Variants in ATXN10 observed in about 807,000 individuals in gnomAD.
ATXN10 encodes ataxin-10.
A neutral mutation model predicts 52.9 loss-of-function variants in ATXN10; 28 were observed. The observed-to-expected ratio is 0.53, with a 90% CI of 0.39 to 0.73. The LOEUF (loss-of-function observed/expected upper bound fraction) is 0.73. Among genes scored for constraint, ATXN10 ranks in the 30% least tolerant of loss-of-function variants. The pLI, the probability that ATXN10 is intolerant of heterozygous loss-of-function variation, is 0.00. For missense variants in ATXN10, 565 were observed against 577.0 expected (o/e 0.98, Z 0.21); for synonymous variants, 226 against 221.5 (o/e 1.02, Z -0.18).
intron 7 of ATXN10, among the ~76,000 whole-genome samples, chr22:45,735,252 T>C (rs1248065148): frequency 6.6e-6 from 1 of 152,138 alleles, no homozygotes; most frequent in Non-Finnish European, 1.5e-5. Flanking sequence ...TTATCTGTTA[T>C]TATTTCAGTA....
chr22:45,794,975 G>A (rs1927657341), intron 9 of ATXN10, among the ~76,000 whole-genome samples: 1 of 152,058 alleles, frequency 6.6e-6, no homozygotes, highest in Admixed American at 6.5e-5. Flanking sequence ...GTATATTAGG[G>A]GATTTTTAAT....
chr22:45,773,151 C>A (rs184673906), intron 9 of ATXN10, among the ~76,000 whole-genome samples: 1 of 152,162 alleles, frequency 6.6e-6, no homozygotes, highest in African/African-American at 2.4e-5. Flanking sequence ...TTGTTCGTCT[C>A]GCATGTGGAA....
At chr22:45,707,595 A>G (rs2066188353) in intron 5 of ATXN10, among the ~76,000 whole-genome samples, 2 of 150,818 alleles carry the variant, frequency 1.3e-5, no homozygotes, top group Admixed American at 6.6e-5. Context: ...CTTGGAATAA[A>G]GGGCAAAAGG....
intron 2 of ATXN10, among the ~76,000 whole-genome samples, chr22:45,691,285 C>CT (rs2146739528): frequency 1.3e-5 from 2 of 152,304 alleles, no homozygotes; most frequent in East Asian, 3.9e-4. Flanking sequence ...TAACTTTTGA[C>CT]TGTGGCTGGC....
At chr22:45,673,155 A>C (rs1922539902) in intron 1 of ATXN10, 1 of 152,238 alleles carries the variant, frequency 6.6e-6, no homozygotes, top group Non-Finnish European at 1.5e-5. Flanking sequence ...TGATATTATC[A>C]CTTAACACAT....
chr22:45,834,427 C>G (rs1052567675), intron 10 of ATXN10, among the ~76,000 whole-genome samples: 3 of 152,224 alleles, frequency 2.0e-5, no homozygotes, highest in Non-Finnish European at 1.5e-5. Flanking sequence ...CAGTGAAGCT[C>G]TGCCGGTGTG....
chr22:45,836,014 G>A (rs189997825), intron 10 of ATXN10, among the ~76,000 whole-genome samples: 1 of 152,180 alleles, frequency 6.6e-6, no homozygotes, highest in Admixed American at 6.5e-5. Context: ...CAGATGTTCT[G>A]TCGTATTAAA....
At chr22:45,710,996 C>G (rs1052711836) in intron 5 of ATXN10, among the ~76,000 whole-genome samples, 2 of 152,134 alleles carry the variant, frequency 1.3e-5, no homozygotes, top group Non-Finnish European at 2.9e-5. Context: ...TCGTTGTTCT[C>G]TAGAACTCTA....
rs1338949286 is a variant in ATXN10, at chr22:45,738,787, T to C, written c.951T>C (p.Thr317=). 2 of 1,614,046 alleles carry C rather than the reference T, an allele frequency of 1.2e-6. No homozygotes were observed. Among genetic ancestry groups the C allele is most frequent in the East Asian group, 4.5e-5 (2 of 44,900 alleles). ...TCCTGTGCGAAATGACTGTGAATACTGAGCTGCTCGGCTATCTGCAGGTTT... is the reference window on the plus strand; with the variant it reads ...TCCTGTGCGAAATGACTGTGAATACCGAGCTGCTCGGCTATCTGCAGGTTT... ...LDVLCEMTVN[T]ELLGYLQVFP... The change falls in exon 8 of 12, where the codon ACT becomes ACC. Residue 317 remains threonine, a synonymous_variant. Coordinates refer to ENST00000252934, the MANE Select transcript of ATXN10 (RefSeq NM_013236.4).
At chr22:45,710,066 T>C (rs902230413) in intron 5 of ATXN10, among the ~76,000 whole-genome samples, 5 of 152,222 alleles carry the variant, frequency 3.3e-5, no homozygotes, top group African/African-American at 9.6e-5. Flanking sequence ...CTCTGAATCA[T>C]CACACAGTAG....
In ATXN10 at chr22:45,781,832, A is replaced by G. The variant is rs1376466953; in HGVS notation, c.1174-25127A>G. Among the ~76,000 whole-genome samples, 1 of 152,220 alleles carries G rather than the reference A, an allele frequency of 6.6e-6. No homozygotes were observed. Among genetic ancestry groups the G allele is most frequent in the Non-Finnish European group, 1.5e-5 (1 of 68,040 alleles). ...AACAGCAACCTGAAATAAAAAGCCA[A>G]AACTCAGTGATTGGGTTCAGTGGCA... On this transcript the variant is annotated intron_variant, in intron 9 of 11. Coordinates refer to ENST00000252934, the MANE Select transcript of ATXN10 (RefSeq NM_013236.4). This position sits in a 1 kb window ranked among gnomAD's most constrained non-coding sequence, Gnocchi z 4.2.
In ATXN10 at chr22:45,728,210, G is replaced by C. The variant is rs1924953828; in HGVS notation, c.729-1215G>C. Among the ~76,000 whole-genome samples the C allele has an allele frequency of 6.6e-6, 1 of 152,092 alleles. No homozygotes were observed. The highest frequency in any genetic ancestry group is 2.1e-4 in the South Asian group (1 of 4,826). On this transcript the variant is annotated intron_variant, in intron 6 of 11. Coordinates refer to ENST00000252934, the MANE Select transcript of ATXN10 (RefSeq NM_013236.4). This position sits in a 1 kb window ranked among gnomAD's most constrained non-coding sequence, Gnocchi z 4.3. ...GCTGTGCATTTTGTGCTTTCAAGAG[G>C]TTCCATGCTGGTGCCTGTCGACCTT... is the stretch of plus-strand genomic sequence containing the variant.
At chr22:45,776,870 TA>T (rs1305920971) in intron 9 of ATXN10, among the ~76,000 whole-genome samples, 4 of 152,228 alleles carry the variant, frequency 2.6e-5, no homozygotes, top group Non-Finnish European at 5.9e-5. Context: ...CAAGAGTTTT[TA>T]AAAGTTTCTT....
At chr22:45,680,321 G>C (rs1922869800) in intron 1 of ATXN10, among the ~76,000 whole-genome samples, 1 of 152,124 alleles carries the variant, frequency 6.6e-6, no homozygotes, top group Non-Finnish European at 1.5e-5. Context: ...ACTATCAAAA[G>C]ACATTTAAAA....
In ATXN10 at chr22:45,681,942, G is replaced by A. The variant is rs938690699; in HGVS notation, c.117-7770G>A. ...TGCCCACCTACTTGTATCTGTGCCC[G>A]TAGCCTGCCTTTGCTTCTGGTCTGT... On this transcript the variant is annotated intron_variant, in intron 1 of 11. Coordinates refer to ENST00000252934, the MANE Select transcript of ATXN10 (RefSeq NM_013236.4). This position sits in a 1 kb window ranked among gnomAD's most constrained non-coding sequence, Gnocchi z 4.2. 6.6e-6 allele frequency among the ~76,000 whole-genome samples: 1 copy of A among 152,138 alleles called. No individual in the cohort carries two copies. The highest frequency in any genetic ancestry group is 2.4e-5 in the African/African-American group (1 of 41,430).
intron 7 of ATXN10, among the ~76,000 whole-genome samples, chr22:45,738,203 A>C (rs1222158199): frequency 6.6e-6 from 1 of 152,194 alleles, no homozygotes; most frequent in Non-Finnish European, 1.5e-5. Context: ...TTTCTAATCT[A>C]CCAAGATATT....
At chr22:45,796,471 A>T (rs564577370) in intron 9 of ATXN10, among the ~76,000 whole-genome samples, 2 of 151,724 alleles carry the variant, frequency 1.3e-5, no homozygotes, top group Non-Finnish European at 2.9e-5. Flanking sequence ...CTGTTTGTAC[A>T]CCCCTCCCCT....
intron 5 of ATXN10, among the ~76,000 whole-genome samples, chr22:45,709,090 C>G (rs900883195): frequency 6.6e-6 from 1 of 152,142 alleles, no homozygotes. Context: ...TATGCATGTA[C>G]ATTTTATTAT....
At chr22:45,768,852 C>G (rs563066505) in intron 9 of ATXN10, among the ~76,000 whole-genome samples, 1 of 152,200 alleles carries the variant, frequency 6.6e-6, no homozygotes, top group Non-Finnish European at 1.5e-5. Flanking sequence ...GATATTTGAA[C>G]GTGGACTGGC....
Sources: allele counts gnomAD v4.1 joint callset (sites outside exome capture counted in the v4.1 genomes callset), GRCh38; gene constraint gnomAD v4.1.1; non-coding constraint Gnocchi (gnomAD v3.1); transcripts MANE v1.5; gene names NCBI Gene and HGNC (gene_info 2026-07-23, HGNC 2026-07-21).